NUDCD1: variants seen among roughly 807,000 people sequenced by gnomAD.
NUDCD1 encodes the protein NudC domain containing 1.
NUDCD1 carries 60 observed loss-of-function variants against 67.8 expected under a neutral mutation model. The observed-to-expected ratio is 0.88, with a 90% confidence interval of 0.72 to 1.10. The LOEUF (loss-of-function observed/expected upper bound fraction) is 1.10. NUDCD1 is among the 50% of genes least tolerant of loss of function. NUDCD1 has a pLI of 0.00. For synonymous variants in NUDCD1, 244 were observed against 230.8 expected, an observed-to-expected ratio of 1.06 and a Z score of -0.52; for missense variants, 643 against 695.0, an observed-to-expected ratio of 0.93 and a Z score of 0.84.
At chr8:109,313,525 C>T (rs1039493288) in intron 2 of NUDCD1, among the ~76,000 whole-genome samples, 5 of 152,080 alleles carry the variant, frequency 3.3e-5, no homozygotes, top group Non-Finnish European at 7.4e-5. Context: ...AGAAAATTTT[C>T]CCCTTTTGCT....
In NUDCD1 at chr8:109,275,353, A is replaced by C; in HGVS notation, c.1172T>G (p.Leu391Arg). 1 of 1,612,338 alleles carries C rather than the reference A, an allele frequency of 6.2e-7. No homozygotes were observed. The highest frequency in any genetic ancestry group is 8.5e-7 in the Non-Finnish European group (1 of 1,179,216). ...CACACTACTATTCCAACTACTTACC[A>C]GTTCTTCAGAGGTCAAATGCATCAA... ...ERLMHLTSEE[L>R]NPNPDKEKPP... The change falls in exon 7 of 10, where the codon CTG (leucine) becomes CGG (arginine). Residue 391 changes from leucine (L) to arginine (R), a missense_variant and splice_region_variant. Coordinates refer to ENST00000239690, the MANE Select transcript of NUDCD1 (RefSeq NM_032869.4).
At chr8:109,306,475 T>C (rs904579580) in intron 2 of NUDCD1, among the ~76,000 whole-genome samples, 1 of 152,056 alleles carries the variant, frequency 6.6e-6, no homozygotes, top group African/African-American at 2.4e-5. Context: ...AAGGCCTCTA[T>C]TTACTCACTG....
At position 109,306,387 on chromosome 8, in the gene NUDCD1, C is replaced by T. The variant is rs566538215; in HGVS notation, c.274-9818G>A. 3.3e-4 allele frequency among the ~76,000 whole-genome samples: 51 copies of T among 152,282 alleles called. 1 individual carries two copies. In the South Asian group the frequency reaches 0.01, roughly 30 times the overall value. Reference sequence around the variant, plus strand: ...TCTCTGCCACACTATCAATCTCACTCACTCTCTCCTAGCCGTTTCTAATCC... The same window carrying T: ...TCTCTGCCACACTATCAATCTCACTTACTCTCTCCTAGCCGTTTCTAATCC... On this transcript the variant is annotated intron_variant, in intron 2 of 9. Transcript: ENST00000239690.
rs866091364 is a variant in NUDCD1, at chr8:109,326,770, A to G, written c.119-4307T>C. Among the ~76,000 whole-genome samples, 4 of 152,272 alleles carry G rather than the reference A, an allele frequency of 2.6e-5. No individual in the cohort carries two copies. In the Middle Eastern group the frequency reaches 0.01, roughly 388 times the overall value. On this transcript the variant is annotated intron_variant, in intron 1 of 9. Transcript: ENST00000239690. ...ACCACAAAAGCCTCATGGGACCTCA[A>G]AGGGCTATAGTTTTTCATTCATAAA...
Position 109,296,696 on chromosome 8 carries a change from T to G in NUDCD1, c.274-127A>C, listed in dbSNP as rs1249000715. 1.1e-5 allele frequency: 7 copies of G among 645,550 alleles called. No homozygotes were observed. In the African/African-American group the frequency reaches 1.1e-4, roughly 10 times the overall value. 40.0% of individuals were successfully genotyped at this position (645,550 alleles called of 1,614,324 possible). Reference sequence around the variant, plus strand: ...TGGAGTCTAATTCCTCTTCCTTTGATGTGAGCTGTCCTACTGATTCAGTTT... The same window carrying G: ...TGGAGTCTAATTCCTCTTCCTTTGAGGTGAGCTGTCCTACTGATTCAGTTT... On this transcript the variant is annotated intron_variant, in intron 2 of 9. Transcript: ENST00000239690.
chr8:109,258,826 T>C (rs974537636), intron 8 of NUDCD1, among the ~76,000 whole-genome samples: 6 of 152,142 alleles, frequency 3.9e-5, no homozygotes, highest in Non-Finnish European at 7.4e-5. Flanking sequence ...TAAAAGTATA[T>C]CTTTTCAGAG....
chr8:109,322,525 T>A, intron 1 of NUDCD1, 62 bp from the exon 2 acceptor site: 2 of 1,331,846 alleles, frequency 1.5e-6, no homozygotes, highest in Non-Finnish European at 2.1e-6. Flanking sequence ...TTTCTATCTG[T>A]AGAATGCCTA....
At chr8:109,293,120 T>C (rs1279282389) in intron 4 of NUDCD1, among the ~76,000 whole-genome samples, 1 of 152,118 alleles carries the variant, frequency 6.6e-6, no homozygotes, top group Non-Finnish European at 1.5e-5. Context: ...TCTTCTTTTA[T>C]ATAAAAGGCA....
chr8:109,271,824 TG>T (rs1814163698), intron 7 of NUDCD1, among the ~76,000 whole-genome samples: 1 of 151,974 alleles, frequency 6.6e-6, no homozygotes, highest in Non-Finnish European at 1.5e-5. Flanking sequence ...GGAACAAAGA[TG>T]TAAAAGACAG....
chr8:109,320,910 C>T (rs1463220773), intron 2 of NUDCD1, among the ~76,000 whole-genome samples: 1 of 152,116 alleles, frequency 6.6e-6, no homozygotes, highest in Non-Finnish European at 1.5e-5. Flanking sequence ...AATAACCTAC[C>T]ACATCTGGAA....
rs568484380 is a variant in NUDCD1, at chr8:109,310,902, G to A, written c.273+11407C>T. Among the ~76,000 whole-genome samples, 358 of 135,290 alleles carry A rather than the reference G, an allele frequency of 2.6e-3. 1 individual carries two copies. Among genetic ancestry groups the A allele is most frequent in the Non-Finnish European group, 3.9e-3 (257 of 66,010 alleles). 88.8% of individuals were successfully genotyped at this position (135,290 alleles called of 152,430 possible). ...GCGATCTCGGCTCACTGAAACCTCCGTCTCCCAGGTTCAAGTGATTCCCCT... is the reference window on the plus strand; with the variant it reads ...GCGATCTCGGCTCACTGAAACCTCCATCTCCCAGGTTCAAGTGATTCCCCT... On this transcript the variant is annotated intron_variant, in intron 2 of 9. Transcript: ENST00000239690.
rs546079586 is a variant in NUDCD1, at chr8:109,319,074, C to T, written c.273+3235G>A. ...CTGCAAGCTCTGCCTCCCAGGTTCA[C>T]GCCATTCTCCTGCCTCAGCCTCCTG... On this transcript the variant is annotated intron_variant, in intron 2 of 9. Transcript: ENST00000239690. Among the ~76,000 whole-genome samples the T allele has an allele frequency of 8.6e-5, 13 of 151,482 alleles. No individual in the cohort carries two copies. In the East Asian group the frequency reaches 2.3e-3, roughly 27 times the overall value.
intron 3 of NUDCD1, 134 bp from the exon 4 acceptor site, chr8:109,293,658 A>T: frequency 6.7e-6 from 3 of 448,038 alleles, no homozygotes; most frequent in Non-Finnish European, 7.6e-6. Flanking sequence ...TTTGAAAATA[A>T]AAAGGCCTTT....
chr8:109,322,651 A>C (rs1815569524), intron 1 of NUDCD1, among the ~76,000 whole-genome samples, 188 bp from the exon 2 acceptor site: 1 of 152,194 alleles, frequency 6.6e-6, no homozygotes, highest in Non-Finnish European at 1.5e-5. Context: ...AACAGTAAGT[A>C]AAACTGATAT....
At chr8:109,244,851 A>G (rs1460403113) in intron 9 of NUDCD1, among the ~76,000 whole-genome samples, 2 of 152,138 alleles carry the variant, frequency 1.3e-5, no homozygotes, top group Admixed American at 6.5e-5. Flanking sequence ...ACCGCTTTCC[A>G]TAAGTATTTT....
At chr8:109,307,464 C>G (rs1454856118) in intron 2 of NUDCD1, among the ~76,000 whole-genome samples, 1 of 152,162 alleles carries the variant, frequency 6.6e-6, no homozygotes, top group Non-Finnish European at 1.5e-5. Context: ...GTGACAGCCA[C>G]CACTACAGAA....
At chr8:109,272,484 CA>C (rs1459011155) in intron 7 of NUDCD1, among the ~76,000 whole-genome samples, 1 of 151,908 alleles carries the variant, frequency 6.6e-6, no homozygotes, top group Non-Finnish European at 1.5e-5. Context: ...TTCATAAAAG[CA>C]ATTTTTAAAT....
intron 7 of NUDCD1, among the ~76,000 whole-genome samples, chr8:109,272,951 T>C (rs1172899743): frequency 3.3e-5 from 5 of 152,142 alleles, no homozygotes; most frequent in South Asian, 2.1e-4. Context: ...AAGTACCCTA[T>C]AGATTTCTCC....
intron 6 of NUDCD1, among the ~76,000 whole-genome samples, chr8:109,276,203 C>G (rs1814283121): frequency 6.6e-6 from 1 of 152,118 alleles, no homozygotes. Context: ...AGATCAAGGA[C>G]TGATGCAGCA....
Sources: allele counts gnomAD v4.1 joint callset (sites outside exome capture counted in the v4.1 genomes callset), GRCh38; gene constraint gnomAD v4.1.1; transcripts MANE v1.5; gene names NCBI Gene and HGNC (gene_info 2026-07-23, HGNC 2026-07-21).